The following DHRSX variants were observed in gnomAD, a reference collection of about 807,000 sequenced individuals.
DHRSX encodes polyprenol dehydrogenase.
Under a neutral mutation model 34.0 loss-of-function variants are expected in DHRSX, and 31 were observed. The ratio of observed to expected loss-of-function variants is 0.91; its 90% CI spans 0.69 to 1.23. The LOEUF is 1.23. Ranked by LOEUF, DHRSX falls within the 50% of genes most tolerant of loss-of-function variation. DHRSX has a pLI of 0.00. For synonymous variants in DHRSX, 201 were observed against 183.8 expected (o/e 1.09, Z -0.76); for missense variants, 414 against 428.1 (o/e 0.97, Z 0.29).
chrX:2,396,534 C>G (rs1354531218), intron 3 of DHRSX, among the ~76,000 whole-genome samples: 3 of 151,678 alleles, frequency 2.0e-5, no homozygotes, highest in Non-Finnish European at 4.4e-5. Context: ...CCCGCCACCA[C>G]GCCTGGCTAA....
chrX:2,467,236 T>C (rs954672190), intron 1 of DHRSX, among the ~76,000 whole-genome samples: 5 of 152,222 alleles, frequency 3.3e-5, no homozygotes, highest in African/African-American at 1.2e-4. Flanking sequence ...CCTTTCTACG[T>C]AGAAGGTGCA....
chrX:2,395,397 T>C (rs1173753212), intron 3 of DHRSX, among the ~76,000 whole-genome samples: 1 of 152,184 alleles, frequency 6.6e-6, no homozygotes, highest in Non-Finnish European at 1.5e-5. Context: ...AGGGGGCTTG[T>C]ACTGTGTCTA....
At chrX:2,368,500 A>G (rs765889658) in intron 3 of DHRSX, among the ~76,000 whole-genome samples, 1 of 152,118 alleles carries the variant, frequency 6.6e-6, no homozygotes, top group African/African-American at 2.4e-5. Context: ...AACAATTGCT[A>G]AACAACAAAA....
chrX:2,402,460 G>A (rs1262081091), intron 3 of DHRSX, among the ~76,000 whole-genome samples: 1 of 152,212 alleles, frequency 6.6e-6, no homozygotes, highest in Non-Finnish European at 1.5e-5. Context: ...AGATGTTGTG[G>A]GCAGCAGATA....
intron 3 of DHRSX, among the ~76,000 whole-genome samples, chrX:2,383,945 C>G (rs1373642666): frequency 6.6e-6 from 1 of 152,122 alleles, no homozygotes; most frequent in African/African-American, 2.4e-5. Flanking sequence ...GGCATTCTGC[C>G]CATATGGGTT....
At chrX:2,455,953 T>C (rs1157301787) in intron 1 of DHRSX, among the ~76,000 whole-genome samples, 2 of 152,020 alleles carry the variant, frequency 1.3e-5, no homozygotes, top group Admixed American at 6.6e-5. Context: ...GCTCTGGGCT[T>C]CCACAAATCC....
intron 3 of DHRSX, among the ~76,000 whole-genome samples, chrX:2,335,353 G>C (rs1019830571): frequency 1.3e-5 from 2 of 151,852 alleles, no homozygotes; most frequent in Non-Finnish European, 2.9e-5. Flanking sequence ...AGGTACACTG[G>C]TTCCATCCAG....
At chrX:2,224,870 ACAG>A (rs1200423890) in intron 6 of DHRSX, among the ~76,000 whole-genome samples, 2 of 149,616 alleles carry the variant, frequency 1.3e-5, no homozygotes, top group African/African-American at 4.9e-5. Context: ...TCGCATGCAC[ACAG>A]CTCACACGCA....
intron 1 of DHRSX, among the ~76,000 whole-genome samples, chrX:2,462,553 A>G (rs1327154966): frequency 1.3e-5 from 2 of 152,010 alleles, no homozygotes; most frequent in Non-Finnish European, 2.9e-5. Flanking sequence ...AAACAATGTT[A>G]GATAGTATCG....
At chrX:2,485,504 G>C (rs1230999751) in intron 1 of DHRSX, among the ~76,000 whole-genome samples, 1 of 147,546 alleles carries the variant, frequency 6.8e-6, no homozygotes, top group Non-Finnish European at 1.5e-5. Context: ...AAGGAAAAAG[G>C]GATGGAAGGA....
intron 2 of DHRSX, among the ~76,000 whole-genome samples, chrX:2,421,565 T>A (rs189503731): frequency 1.3e-5 from 2 of 152,350 alleles, no homozygotes; most frequent in Admixed American, 1.3e-4. Context: ...GGTTTCCCCA[T>A]CTGAGTCAAA....
At chrX:2,346,646 T>TG in intron 3 of DHRSX, among the ~76,000 whole-genome samples, 1 of 106,952 alleles carries the variant, frequency 9.3e-6, no homozygotes, top group Non-Finnish European at 2.1e-5. Flanking sequence ...ATGAGTCTGG[T>TG]TTTTTTTTTG....
chrX:2,413,646 A>T (rs1418508800), intron 2 of DHRSX, among the ~76,000 whole-genome samples: 1 of 152,182 alleles, frequency 6.6e-6, no homozygotes, highest in Non-Finnish European at 1.5e-5. Flanking sequence ...GGACAATACA[A>T]AGTATATGTG....
Position 2,287,620 on chromosome X carries a change from G to A in DHRSX, c.388+3882C>T, listed in dbSNP as rs1447541122. On this transcript the variant is annotated intron_variant, in intron 4 of 6. Coordinates refer to ENST00000334651, the MANE Select transcript of DHRSX (RefSeq NM_145177.3). Reference sequence around the variant, plus strand: ...ATGTCCATATCCAAATCCCCATGTGGAAGACAGAATAATGGCCCCAAAGAT... The same window carrying A: ...ATGTCCATATCCAAATCCCCATGTGAAAGACAGAATAATGGCCCCAAAGAT... Among the ~76,000 whole-genome samples the A allele has an allele frequency of 2.6e-5, 4 of 152,154 alleles. No homozygotes were observed. The South Asian group carries it at 8.3e-4, about 32-fold the overall frequency.
Position 2,241,865 on chromosome X carries a change from G to A in DHRSX, c.804+1158C>T, listed in dbSNP as rs1466418253. Among the ~76,000 whole-genome samples, 3 of 152,084 alleles carry A rather than the reference G, an allele frequency of 2.0e-5. No homozygotes were observed. In the South Asian group the frequency reaches 6.2e-4, roughly 32 times the overall value. On this transcript the variant is annotated intron_variant, in intron 6 of 6. Coordinates refer to ENST00000334651, the MANE Select transcript of DHRSX (RefSeq NM_145177.3). ...AGAGGTTGCACTGGGCAGAGGTCCC[G>A]CCACTGCACTCCACTCTGGGCAACA...
intron 1 of DHRSX, among the ~76,000 whole-genome samples, chrX:2,439,148 CAAAAAA>C (rs781530860): frequency 9.6e-6 from 1 of 104,264 alleles, no homozygotes; most frequent in African/African-American, 3.8e-5. Flanking sequence ...TTTTTTGTCT[CAAAAAA>C]AAAAAAGCTT....
At chrX:2,293,725 G>C (rs2041894838) in intron 3 of DHRSX, among the ~76,000 whole-genome samples, 1 of 152,052 alleles carries the variant, frequency 6.6e-6, no homozygotes, top group African/African-American at 2.4e-5. Context: ...TCCTCACTGG[G>C]GAGCCTCATA....
At chrX:2,348,110 G>A (rs2042743432) in intron 3 of DHRSX, among the ~76,000 whole-genome samples, 3 of 152,116 alleles carry the variant, frequency 2.0e-5, no homozygotes, top group African/African-American at 7.2e-5. Flanking sequence ...ATAGTCCAAC[G>A]TAACATAAGA....
chrX:2,284,147 T>C (rs1256305819), intron 4 of DHRSX, among the ~76,000 whole-genome samples: 2 of 152,142 alleles, frequency 1.3e-5, no homozygotes, highest in Non-Finnish European at 2.9e-5. Context: ...AATTCATTCA[T>C]TCATTCCTTT....
Sources: allele counts gnomAD v4.1 joint callset (sites outside exome capture counted in the v4.1 genomes callset), GRCh38; gene constraint gnomAD v4.1.1; transcripts MANE v1.5; gene names NCBI Gene and HGNC (gene_info 2026-07-23, HGNC 2026-07-21).